The following CSKMT variants were observed in gnomAD, a reference collection of about 807,000 sequenced individuals.
The protein encoded by CSKMT is citrate synthase lysine methyltransferase, also known as citrate synthase-lysine N-methyltransferase CSKMT, mitochondrial.
In CSKMT, 6 loss-of-function variants were observed where a neutral mutation model predicts 4.6. The observed-to-expected ratio is 1.31, with a 90% CI of 0.72 to 2.59. The LOEUF is 2.59. Ranked by LOEUF, CSKMT falls within the 30% of genes most tolerant of loss-of-function variation. The pLI, the probability that CSKMT is intolerant of heterozygous loss-of-function variation, is 0.00. For synonymous variants in CSKMT, 142 were observed against 128.9 expected (o/e 1.10, Z -0.69); for missense variants, 328 against 298.0 (o/e 1.10, Z -0.74).
At chr11:62,666,333 G>A (rs1280963555) in intron 2 of CSKMT, 63 bp from the exon 3 acceptor site, 2 of 1,521,070 alleles carry the variant, frequency 1.3e-6, no homozygotes, top group African/African-American at 2.7e-5. Context: ...ACGCCAGTGT[G>A]TATATACGAC....
Position 62,667,088 on chromosome 11 carries a change from G to A in CSKMT, c.*37G>A. The A allele has an allele frequency of 6.6e-7, 1 of 1,525,686 alleles. No homozygotes were observed. The highest frequency in any genetic ancestry group is 8.8e-7 in the Non-Finnish European group (1 of 1,136,232). 94.5% of individuals were successfully genotyped at this position (1,525,686 alleles called of 1,614,324 possible). A position where few individuals can be genotyped will look rare whatever the true frequency, so the allele number is the denominator to read the frequency against. On this transcript the variant is annotated 3_prime_UTR_variant, in exon 3 of 3. Coordinates refer to ENST00000532971, the MANE Select transcript of CSKMT (RefSeq NM_001043229.2). ...TAGTCCTGACCCTAGTATTTCTGTG[G>A]GCAAGGAGAGGGCTGAAGAACTGTC...
In CSKMT at chr11:62,667,215, A is replaced by C. The variant is rs1210271488; in HGVS notation, c.*164A>C. 1 of 716,710 alleles carries C rather than the reference A, an allele frequency of 1.4e-6. No homozygotes were observed. The highest frequency in any genetic ancestry group is 2.3e-6 in the Non-Finnish European group (1 of 437,342). 44.4% of individuals were successfully genotyped at this position (716,710 alleles called of 1,614,324 possible). A position where few individuals can be genotyped will look rare whatever the true frequency, so the allele number is the denominator to read the frequency against. ...AATGTTTCTGTTCCCCAGTTTACTC[A>C]TCTGCAGAGTGAGAATAACTTGGAG... On this transcript the variant is annotated 3_prime_UTR_variant, in exon 3 of 3. Transcript: ENST00000532971.
In CSKMT at chr11:62,665,668, T is replaced by TC. The variant is rs1944787212; in HGVS notation, c.-210dup. 1 of 1,466,616 alleles carries TC rather than the reference T, an allele frequency of 6.8e-7. No homozygotes were observed. The highest frequency in any genetic ancestry group is 2.4e-5 in the Admixed American group (1 of 41,610). 90.9% of individuals were successfully genotyped at this position (1,466,616 alleles called of 1,614,324 possible). ...TCAGGTCTGCGGACGCTGTATACCC[T>TC]CCTCCACTTCCCGCTGCAGCCAATA... On this transcript the variant is annotated 5_prime_UTR_variant, in exon 2 of 3. Transcript: ENST00000532971.
chr11:62,665,670 C>G lies in CSKMT; in HGVS notation c.-210C>G, dbSNP rs1262325403. On this transcript the variant is annotated 5_prime_UTR_variant, in exon 2 of 3. Coordinates refer to ENST00000532971, the MANE Select transcript of CSKMT (RefSeq NM_001043229.2). Reference sequence around the variant, plus strand: ...AGGTCTGCGGACGCTGTATACCCTCCTCCACTTCCCGCTGCAGCCAATAAA... The same window carrying G: ...AGGTCTGCGGACGCTGTATACCCTCGTCCACTTCCCGCTGCAGCCAATAAA... The G allele has an allele frequency of 1.4e-6, 2 of 1,466,340 alleles. No homozygotes were observed. The highest frequency in any genetic ancestry group is 2.8e-5 in the African/African-American group (2 of 71,168). The allele number at this position is 1,466,340 out of a possible 1,614,324, so 90.8% of individuals were successfully genotyped here. A position where few individuals can be genotyped will look rare whatever the true frequency, so the allele number is the denominator to read the frequency against.
rs1366392761 is a variant in CSKMT, at chr11:62,667,236, T to TG, written c.*187dup. ...ACTCATCTGCAGAGTGAGAATAACT[T>TG]GGAGTTACGGAGATTACATACAATG... On this transcript the variant is annotated 3_prime_UTR_variant, in exon 3 of 3. Coordinates refer to ENST00000532971, the MANE Select transcript of CSKMT (RefSeq NM_001043229.2). 7.5e-6 allele frequency: 5 copies of TG among 666,932 alleles called. No homozygotes were observed. The highest frequency in any genetic ancestry group is 5.9e-5 in the Admixed American group (2 of 33,776). 41.3% of individuals were successfully genotyped at this position (666,932 alleles called of 1,614,324 possible).
chr11:62,665,973 G>C (rs1489994129), intron 2 of CSKMT, 27 bp downstream of exon 2: 3 of 1,594,554 alleles, frequency 1.9e-6, no homozygotes, highest in South Asian at 2.2e-5. Flanking sequence ...AGAGTGGAGA[G>C]GGCAAGGTGG....
At chr11:62,665,488 A>G in intron 1 of CSKMT, 156 bp downstream of exon 1, 1 of 1,575,116 alleles carries the variant, frequency 6.3e-7, no homozygotes, top group Non-Finnish European at 8.6e-7. Flanking sequence ...GAAGAGGGAA[A>G]GGGCTCTGGC....
rs1944838798 is a variant in CSKMT at position 62,667,037 on chromosome 11, C to A, written c.709C>A (p.Gln237Lys). 2 of 1,601,230 alleles carry A rather than the reference C, an allele frequency of 1.2e-6. No individual in the cohort carries two copies. The highest frequency in any genetic ancestry group is 1.7e-6 in the Non-Finnish European group (2 of 1,173,738). The part of the protein sequence containing the change: ...RGITYFAYLI[Q>K]GSH ...CATCACCTACTTTGCTTACTTGATT[C>A]AAGGCTCTCATTAAAGACATTTTAG... The change falls in exon 3 of 3, where the codon CAA becomes AAA. Residue 237 changes from glutamine (Q) to lysine (K), a missense_variant. Gln to Lys is a moderately conservative substitution (Grantham distance 53). Coordinates refer to ENST00000532971, the MANE Select transcript of CSKMT (RefSeq NM_001043229.2).
chr11:62,665,558 C>T (rs756247498), intron 1 of CSKMT, 89 bp from the exon 2 acceptor site: 1 of 1,568,276 alleles, frequency 6.4e-7, no homozygotes, highest in South Asian at 1.1e-5. Context: ...TATCCTCAAA[C>T]GCCGGGACAC....
At chr11:62,666,256 G>A in intron 2 of CSKMT, 140 bp from the exon 3 acceptor site, 1 of 874,914 alleles carries the variant, frequency 1.1e-6, no homozygotes, top group Non-Finnish European at 1.8e-6. Flanking sequence ...GCTTCAGTGA[G>A]CCATCATTGT....
At chr11:62,666,363 A>C in intron 2 of CSKMT, 33 bp from the exon 3 acceptor site, 1 of 1,601,564 alleles carries the variant, frequency 6.2e-7, no homozygotes. Context: ...GTGGCGACAT[A>C]GACCAAGTGA....
At position 62,667,693 on chromosome 11, in the gene CSKMT, C is replaced by T. The variant is rs753932635; in HGVS notation, c.*642C>T. On this transcript the variant is annotated 3_prime_UTR_variant, in exon 3 of 3. Coordinates refer to ENST00000532971, the MANE Select transcript of CSKMT (RefSeq NM_001043229.2). ...ATCCTGGTCCTGCCCCCAGCTGAGT[C>T]CAGCGTTAAATGTTCTTAAAGGACT... 2 of 1,614,024 alleles carry T rather than the reference C, an allele frequency of 1.2e-6. No homozygotes were observed. Among genetic ancestry groups the T allele is most frequent in the African/African-American group, 2.7e-5 (2 of 74,904 alleles).
rs1434578519 is a variant in CSKMT at position 62,666,805 on chromosome 11, A to AT, written c.477_478insT (p.Leu160SerfsTer17). 3 of 1,614,018 alleles carry AT rather than the reference A, an allele frequency of 1.9e-6. No homozygotes were observed. ...TGGCTTCTTCAGGCTCTTTCCAACT[A>AT]CTGCTGGACAAAGGCACATGGGATG... On this transcript the variant is annotated frameshift_variant, in exon 3 of 3. Transcript: ENST00000532971. LOFTEE classifies it high-confidence loss of function.
chr11:62,666,819 G>A lies in CSKMT; in HGVS notation c.491G>A (p.Gly164Asp), dbSNP rs1944828538. ...SGSFQLLLDK[G>D]TWDAVARGGL... Reference sequence around the variant, plus strand: ...TCTTTCCAACTACTGCTGGACAAAGGCACATGGGATGCTGTTGCCCGGGGA... The same window carrying A: ...TCTTTCCAACTACTGCTGGACAAAGACACATGGGATGCTGTTGCCCGGGGA... Residue 164 changes from glycine (G) to aspartate (D), a missense_variant, in exon 3 of 3, where the codon GGC (glycine) becomes GAC (aspartate). By Grantham distance (94) the Gly-to-Asp change is moderately conservative (BLOSUM62 -1). Coordinates refer to ENST00000532971, the MANE Select transcript of CSKMT (RefSeq NM_001043229.2). 2 of 1,614,210 alleles carry A rather than the reference G, an allele frequency of 1.2e-6. No homozygotes were observed. The highest frequency in any genetic ancestry group is 1.7e-6 in the Non-Finnish European group (2 of 1,180,044).
chr11:62,666,123 A>G, intron 2 of CSKMT, 177 bp downstream of exon 2: 1 of 818,082 alleles, frequency 1.2e-6, no homozygotes, highest in Non-Finnish European at 1.9e-6. Context: ...CGAGGCGGGC[A>G]GATCGCTTGG....
chr11:62,665,703 C>A lies in CSKMT; in HGVS notation c.-177C>A. On this transcript the variant is annotated 5_prime_UTR_variant, in exon 2 of 3. Transcript: ENST00000532971. ...CCCGCTGCAGCCAATAAAGGCCGTT[C>A]CTACCATAGTCTGTGTCCGCGTTCT... is the stretch of plus-strand genomic sequence containing the variant. 6.8e-7 allele frequency: 1 copy of A among 1,460,062 alleles called. No homozygotes were observed. Among genetic ancestry groups the A allele is most frequent in the South Asian group, 1.4e-5 (1 of 72,760 alleles). The allele number at this position is 1,460,062 out of a possible 1,614,324, so 90.4% of individuals were successfully genotyped here.
At position 62,667,504 on chromosome 11, in the gene CSKMT, G is replaced by GGGA. The variant is rs1221964874; in HGVS notation, c.*456_*458dup. ...ATAAACCTGGATGAGATATTTGAGG[G>GGGA]GGAGGGAACAATACTTACCCTCAAA... On this transcript the variant is annotated 3_prime_UTR_variant, in exon 3 of 3. Coordinates refer to ENST00000532971, the MANE Select transcript of CSKMT (RefSeq NM_001043229.2). The GGGA allele has an allele frequency of 1.1e-5, 18 of 1,601,660 alleles. No homozygotes were observed. The African/African-American group carries it at 2.4e-4, about 21-fold the overall frequency.
rs1347018607 is a variant in CSKMT, at chr11:62,667,678, T to C, written c.*627T>C. On this transcript the variant is annotated 3_prime_UTR_variant, in exon 3 of 3. Coordinates refer to ENST00000532971, the MANE Select transcript of CSKMT (RefSeq NM_001043229.2). ...ACAAGCATCTTCTTCATCCTGGTCC[T>C]GCCCCCAGCTGAGTCCAGCGTTAAA... The C allele has an allele frequency of 6.2e-7, 1 of 1,614,046 alleles. No homozygotes were observed. The highest frequency in any genetic ancestry group is 8.5e-7 in the Non-Finnish European group (1 of 1,180,024).
rs1295712089 is a variant in CSKMT at position 62,665,885 on chromosome 11, C to A, written c.6C>A (p.Ala2=). The change falls in exon 2 of 3, where the codon GCC becomes GCA. Residue 2 remains alanine, a synonymous_variant. Coordinates refer to ENST00000532971, the MANE Select transcript of CSKMT (RefSeq NM_001043229.2). M[A]ALRRMLHLPS... is the part of the protein sequence containing the mutation. ...GAACTTACCCGAATCTCCAGATGGC[C>A]GCGCTGCGTCGAATGCTCCACTTGC... is the stretch of plus-strand genomic sequence containing the variant. The A allele has an allele frequency of 6.2e-7, 1 of 1,613,446 alleles. No individual in the cohort carries two copies. Among genetic ancestry groups the A allele is most frequent in the Admixed American group, 1.7e-5 (1 of 59,992 alleles).
Sources: gnomAD v4.1 joint callset for allele counts on GRCh38, gnomAD v4.1.1 for gene constraint, MANE v1.5 for transcripts, NCBI Gene and HGNC (gene_info 2026-07-23, HGNC 2026-07-21) for gene names.